The following COA1 variants were observed in gnomAD, a reference collection of about 807,000 sequenced individuals.
COA1 encodes the protein cytochrome c oxidase assembly factor 1.
Under a neutral mutation model 16.0 loss-of-function variants are expected in COA1, and 13 were observed. That is an observed-to-expected ratio of 0.81 (90% CI 0.53 to 1.29). COA1 has a LOEUF of 1.29. Among genes scored for constraint, COA1 ranks in the 50% most tolerant of loss-of-function variants. The pLI is 0.00. For missense variants in COA1, 179 were observed against 177.0 expected, an observed-to-expected ratio of 1.01 and a Z score of -0.06; for synonymous variants, 65 against 65.7, an observed-to-expected ratio of 0.99 and a Z score of 0.05.
chr7:43,663,980 C>A (rs2092682112), intron 1 of COA1, among the ~76,000 whole-genome samples: 1 of 152,018 alleles, frequency 6.6e-6, no homozygotes, highest in Admixed American at 6.6e-5. Flanking sequence ...CCCTTAAGCC[C>A]AGGAGTCAGA....
chr7:43,667,435 G>C (rs1229520966), intron 1 of COA1, among the ~76,000 whole-genome samples: 2 of 152,098 alleles, frequency 1.3e-5, no homozygotes, highest in African/African-American at 4.8e-5. Flanking sequence ...AATTGAATGG[G>C]ATTTCTAAAA....
At chr7:43,664,953 CACATG>C (rs1421186476) in intron 1 of COA1, among the ~76,000 whole-genome samples, 1 of 152,134 alleles carries the variant, frequency 6.6e-6, no homozygotes, top group Non-Finnish European at 1.5e-5. Context: ...CCGATGTTCT[CACATG>C]ACTTTTCCTT....
At chr7:43,719,391 C>T (rs896797054) in intron 1 of COA1, among the ~76,000 whole-genome samples, 1 of 152,204 alleles carries the variant, frequency 6.6e-6, no homozygotes, top group Non-Finnish European at 1.5e-5. Context: ...CCTCTAAGCC[C>T]CAGATGGCTG....
intron 1 of COA1, among the ~76,000 whole-genome samples, chr7:43,674,496 A>G (rs565290333): frequency 1.3e-5 from 2 of 152,374 alleles, no homozygotes; most frequent in African/African-American, 4.8e-5. Flanking sequence ...ATGGCTTTAT[A>G]AAACTCTATA....
At chr7:43,659,270 A>C (rs2092174774) in intron 1 of COA1, 1 of 152,254 alleles carries the variant, frequency 6.6e-6, no homozygotes, top group South Asian at 2.1e-4. Context: ...TGAATTTATC[A>C]ATATTATCCT....
intron 1 of COA1, among the ~76,000 whole-genome samples, chr7:43,680,129 G>A (rs1584900647): frequency 6.6e-6 from 1 of 152,162 alleles, no homozygotes; most frequent in Middle Eastern, 3.4e-3. Flanking sequence ...TTCTGCATCA[G>A]TAAAGTCAAA....
downstream of COA1, chr7:43,639,212 C>T: frequency 6.3e-6 from 1 of 157,644 alleles, no homozygotes; most frequent in Non-Finnish European, 1.4e-5. Context: ...CTGAAAATTC[C>T]AGGGGAAAGG....
intron 1 of COA1, among the ~76,000 whole-genome samples, chr7:43,686,744 T>C (rs539181838): frequency 6.6e-5 from 10 of 152,354 alleles, no homozygotes; most frequent in African/African-American, 2.2e-4. Flanking sequence ...AAAAGTGTTA[T>C]ATTTATCTGT....
chr7:43,644,759 T>TAGATAGATAGATAGATAGGC (rs1232562622), intron 4 of COA1, among the ~76,000 whole-genome samples: 6 of 114,614 alleles, frequency 5.2e-5, no homozygotes, highest in East Asian at 4.6e-4. Context: ...GATAGATAGA[T>TAGATAGATAGATAGATAGGC]AGGCAGGCAG....
intron 1 of COA1, among the ~76,000 whole-genome samples, chr7:43,701,029 T>C (rs1037888047): frequency 6.6e-6 from 1 of 152,186 alleles, no homozygotes; most frequent in Admixed American, 6.5e-5. Flanking sequence ...CTTACAGCAA[T>C]ATATTTTGAA....
chr7:43,645,228 G>A (rs768554403), intron 4 of COA1, 23 bp downstream of exon 4: 40 of 1,612,046 alleles, frequency 2.5e-5, no homozygotes, highest in East Asian at 6.7e-5. Context: ...ACCAGCCTGC[G>A]GTTCGCAGGG....
At chr7:43,720,010 G>A (rs2095474622) in intron 1 of COA1, among the ~76,000 whole-genome samples, 1 of 152,186 alleles carries the variant, frequency 6.6e-6, no homozygotes, top group South Asian at 2.1e-4. Flanking sequence ...CAGGCATGGT[G>A]GCTCACACCT....
chr7:43,653,690 G>A (rs2091265385), intron 1 of COA1, among the ~76,000 whole-genome samples: 1 of 151,868 alleles, frequency 6.6e-6, no homozygotes, highest in South Asian at 2.1e-4. Flanking sequence ...CTTTCTACAG[G>A]TTGGCACAAA....
chr7:43,678,961 A>T lies in COA1; in HGVS notation c.-38-30309T>A, dbSNP rs7788866. ...TCCACCAATTCCACCTTTAAGTCAAAGAAAAATCAAAAGGAAAATTTATAA... is the reference window on the plus strand; with the variant it reads ...TCCACCAATTCCACCTTTAAGTCAATGAAAAATCAAAAGGAAAATTTATAA... On this transcript the variant is annotated intron_variant, in intron 1 of 5. Transcript: ENST00000223336. Among the ~76,000 whole-genome samples, 7 of 151,990 alleles carry T rather than the reference A, an allele frequency of 4.6e-5. No homozygotes were observed. In the South Asian group the frequency reaches 8.3e-4, roughly 18 times the overall value.
downstream of COA1, among the ~76,000 whole-genome samples, chr7:43,636,401 C>T (rs1013072158): frequency 6.6e-6 from 1 of 152,178 alleles, no homozygotes; most frequent in African/African-American, 2.4e-5. Context: ...TCCCAATGAG[C>T]AGTATAAACA....
intron 1 of COA1, among the ~76,000 whole-genome samples, chr7:43,694,720 ACACT>A (rs1423528671): frequency 1.3e-5 from 2 of 152,140 alleles, no homozygotes; most frequent in East Asian, 3.9e-4. Flanking sequence ...TTCTCTCTCT[ACACT>A]CACTCATTCA....
At chr7:43,651,628 T>C (rs186503705) in intron 1 of COA1, among the ~76,000 whole-genome samples, 200 of 130,676 alleles carry the variant, frequency 1.5e-3, no homozygotes, top group African/African-American at 5.4e-3. Flanking sequence ...AAGGCAAGGG[T>C]GGAAGCAGGA....
At chr7:43,667,387 T>A (rs1443139727) in intron 1 of COA1, among the ~76,000 whole-genome samples, 1 of 152,230 alleles carries the variant, frequency 6.6e-6, no homozygotes, top group Non-Finnish European at 1.5e-5. Context: ...CCAATCTTCT[T>A]TAAGTTATAT....
At chr7:43,630,528 G>C (rs896389428) in intron 6 of COA1, among the ~76,000 whole-genome samples, 4 of 152,092 alleles carry the variant, frequency 2.6e-5, no homozygotes, top group African/African-American at 9.7e-5. Flanking sequence ...TTAATCCTCA[G>C]CTGCAATTAT....
Sources: gnomAD v4.1 joint callset for allele counts (sites outside exome capture counted in the v4.1 genomes callset) on GRCh38, gnomAD v4.1.1 for gene constraint, MANE v1.5 for transcripts, NCBI Gene and HGNC (gene_info 2026-07-23, HGNC 2026-07-21) for gene names.